HMGN5: variants seen among roughly 807,000 people sequenced by gnomAD.
HMGN5 encodes high mobility group nucleosome-binding domain-containing protein 5.
HMGN5 carries 4 observed loss-of-function variants against 9.5 expected under a neutral mutation model. The ratio of observed to expected loss-of-function variants is 0.42; its 90% CI spans 0.21 to 0.96. The LOEUF is 0.96. Ranked by LOEUF, HMGN5 falls within the 40% of genes least tolerant of loss-of-function variation. HMGN5 has a pLI of 0.30. For synonymous variants in HMGN5, 55 were observed against 57.1 expected (o/e 0.96, Z 0.16); for missense variants, 192 against 187.5 (o/e 1.02, Z -0.14).
At chrX:81,183,003 G>C (rs2075467143) in intron 1 of HMGN5, among the ~76,000 whole-genome samples, 1 of 111,832 alleles carries the variant, frequency 8.9e-6, no homozygotes, top group African/African-American at 3.3e-5. Context: ...GATATGGACA[G>C]TGAAGGCCAG....
intron 1 of HMGN5, among the ~76,000 whole-genome samples, chrX:81,127,231 G>C (rs1017658419): frequency 6.3e-5 from 7 of 111,579 alleles, no homozygotes; most frequent in Non-Finnish European, 1.1e-4. Flanking sequence ...GTTCACTAAT[G>C]CTGGTTACTC....
rs2075253633 is a variant in HMGN5 at position 81,116,361 on chromosome X, A to G, written c.130-20T>C. The G allele has an allele frequency of 9.2e-7, 1 of 1,082,930 alleles. No individual in the cohort carries two copies. The highest frequency in any genetic ancestry group is 1.8e-5 in the African/African-American group (1 of 54,630). 89.2% of individuals were successfully genotyped at this position (1,082,930 alleles called of 1,213,427 possible). A position where few individuals can be genotyped will look rare whatever the true frequency, so the allele number is the denominator to read the frequency against. ...CATTTTCTGCCAAGCAATATAAAACAATGAAAGTAAATATACAATTTAACT... is the reference window on the plus strand; with the variant it reads ...CATTTTCTGCCAAGCAATATAAAACGATGAAAGTAAATATACAATTTAACT... On this transcript the variant is annotated intron_variant, in intron 5 of 6. Transcript: ENST00000358130.
rs1324023304 is a variant in HMGN5 at position 81,198,401 on chromosome X, G to A, written c.-124+3336C>T. On this transcript the variant is annotated intron_variant, in intron 1 of 6. Coordinates refer to ENST00000358130, the MANE Select transcript of HMGN5 (RefSeq NM_030763.3). Reference sequence around the variant, plus strand: ...AGGCTAGCAGCATCCTGATACCAAAGCCTGGCAGAGACACAACAACAAAAA... The same window carrying A: ...AGGCTAGCAGCATCCTGATACCAAAACCTGGCAGAGACACAACAACAAAAA... 2.7e-5 allele frequency among the ~76,000 whole-genome samples: 3 copies of A among 110,528 alleles called. No individual in the cohort carries two copies. The East Asian group carries it at 8.5e-4, about 31-fold the overall frequency.
intron 1 of HMGN5, among the ~76,000 whole-genome samples, chrX:81,143,513 A>C (rs1014563938): frequency 8.9e-6 from 1 of 112,241 alleles, no homozygotes; most frequent in Admixed American, 9.4e-5. Flanking sequence ...AATGCAGCCC[A>C]TGCAGGGTGA....
chrX:81,153,602 T>C (rs1217779240), intron 1 of HMGN5, among the ~76,000 whole-genome samples: 1 of 15,689 alleles, frequency 6.4e-5, no homozygotes, highest in African/African-American at 2.9e-4. Context: ...TATATATATA[T>C]ATATATATAT....
chrX:81,120,092 C>A (rs2075264740), intron 2 of HMGN5, among the ~76,000 whole-genome samples: 1 of 111,885 alleles, frequency 8.9e-6, no homozygotes, highest in South Asian at 3.7e-4. Context: ...TAAAAGCAAA[C>A]CTTTGTAATT....
Position 81,164,555 on chromosome X carries a change from A to T in HMGN5, c.-124+37182T>A, listed in dbSNP as rs1029323077. On this transcript the variant is annotated intron_variant, in intron 1 of 6. Transcript: ENST00000358130. ...AATGCCTCTCATTCCTTTTTATGTGACATTCTTTCTTTTTCCTTTCACCCA... is the reference window on the plus strand; with the variant it reads ...AATGCCTCTCATTCCTTTTTATGTGTCATTCTTTCTTTTTCCTTTCACCCA... Among the ~76,000 whole-genome samples, 3 of 111,536 alleles carry T rather than the reference A, an allele frequency of 2.7e-5. No homozygotes were observed. In the Admixed American group the frequency reaches 2.9e-4, roughly 11 times the overall value.
intron 1 of HMGN5, among the ~76,000 whole-genome samples, chrX:81,172,555 A>G (rs1394385086): frequency 1.2e-5 from 1 of 83,948 alleles, no homozygotes; most frequent in Non-Finnish European, 2.7e-5. Flanking sequence ...CACCCAATGT[A>G]AAAAAAAAAA....
intron 1 of HMGN5, among the ~76,000 whole-genome samples, chrX:81,156,778 C>G (rs1222652119): frequency 4.5e-5 from 5 of 110,041 alleles, no homozygotes; most frequent in African/African-American, 1.7e-4. Context: ...GGTAACTCTT[C>G]TGTCTTCTGT....
intron 1 of HMGN5, among the ~76,000 whole-genome samples, chrX:81,139,720 T>C (rs1191111087): frequency 3.6e-5 from 4 of 111,588 alleles, no homozygotes; most frequent in Admixed American, 2.9e-4. Context: ...GGCACTGAAC[T>C]CAGTGCTATT....
intron 1 of HMGN5, among the ~76,000 whole-genome samples, chrX:81,163,503 G>T (rs983386856): frequency 2.7e-5 from 3 of 111,970 alleles, no homozygotes; most frequent in African/African-American, 9.7e-5. Flanking sequence ...AGTTCTGGCT[G>T]AGGAATTCCA....
At chrX:81,147,816 C>T (rs1436481101) in intron 1 of HMGN5, among the ~76,000 whole-genome samples, 1 of 111,675 alleles carries the variant, frequency 9.0e-6, no homozygotes, top group Non-Finnish European at 1.9e-5. Context: ...GCAAAAATCA[C>T]TAGCATTCCT....
intron 1 of HMGN5, among the ~76,000 whole-genome samples, chrX:81,173,606 C>A (rs1374759159): frequency 8.9e-6 from 1 of 112,077 alleles, no homozygotes; most frequent in African/African-American, 3.2e-5. Flanking sequence ...TTTAATATTT[C>A]TTTTTCTTGT....
intron 1 of HMGN5, among the ~76,000 whole-genome samples, chrX:81,154,755 G>T (rs1023372072): frequency 1.8e-4 from 20 of 110,588 alleles, no homozygotes; most frequent in African/African-American, 6.3e-4. Flanking sequence ...TGGCAAACAG[G>T]CATATGAAAA....
chrX:81,146,018 T>C (rs1275365687), intron 1 of HMGN5, among the ~76,000 whole-genome samples: 1 of 111,067 alleles, frequency 9.0e-6, no homozygotes, highest in Non-Finnish European at 1.9e-5. Context: ...CTCAGAGACC[T>C]ACAAAGAGAC....
At chrX:81,179,934 C>G (rs2075456446) in intron 1 of HMGN5, among the ~76,000 whole-genome samples, 2 of 111,373 alleles carry the variant, frequency 1.8e-5, no homozygotes, top group Non-Finnish European at 3.8e-5. Context: ...ACAAACCTGA[C>G]AAAAACAAGA....
intron 1 of HMGN5, among the ~76,000 whole-genome samples, chrX:81,129,967 G>A (rs1456210147): frequency 1.8e-5 from 2 of 111,733 alleles, no homozygotes; most frequent in Non-Finnish European, 1.9e-5. Context: ...TGGCTTGACA[G>A]CATTCTGATT....
intron 1 of HMGN5, among the ~76,000 whole-genome samples, chrX:81,178,299 A>G (rs1239986273): frequency 1.8e-5 from 2 of 111,639 alleles, no homozygotes; most frequent in East Asian, 5.6e-4. Context: ...AAGATCAACA[A>G]AATTGATAGT....
At chrX:81,182,211 C>T (rs765412140) in intron 1 of HMGN5, among the ~76,000 whole-genome samples, 2 of 112,099 alleles carry the variant, frequency 1.8e-5, no homozygotes, top group East Asian at 5.6e-4. Flanking sequence ...TGTTGAGTGT[C>T]TTTTCATATA....
Sources: gnomAD v4.1 joint callset for allele counts (sites outside exome capture counted in the v4.1 genomes callset) on GRCh38, gnomAD v4.1.1 for gene constraint, MANE v1.5 for transcripts, NCBI Gene and HGNC (gene_info 2026-07-23, HGNC 2026-07-21) for gene names.